Variants in MAP4K4 observed in about 807,000 individuals in gnomAD.
MAP4K4 encodes the protein HPK/GCK-like kinase HGK.
A neutral mutation model predicts 189.6 loss-of-function variants in MAP4K4; 38 were observed. The ratio of observed to expected loss-of-function variants is 0.20; its 90% CI spans 0.15 to 0.26. The LOEUF (loss-of-function observed/expected upper bound fraction) is 0.26. Among genes scored for constraint, MAP4K4 ranks in the 10% least tolerant of loss-of-function variants. The pLI, the probability that MAP4K4 is intolerant of heterozygous loss-of-function variation, is 1.00. For synonymous variants in MAP4K4, 610 were observed against 624.3 expected (o/e 0.98, Z 0.34); for missense variants, 1,054 against 1,726.9 (o/e 0.61, Z 6.91).
intron 2 of MAP4K4, among the ~76,000 whole-genome samples, chr2:101,700,659 C>T (rs2037912674): frequency 6.6e-6 from 1 of 152,122 alleles, no homozygotes; most frequent in South Asian, 2.1e-4. Context: ...AATGCTATTT[C>T]AGCTGTAAAT....
chr2:101,722,689 A>G (rs994932330), intron 2 of MAP4K4, among the ~76,000 whole-genome samples: 1 of 152,158 alleles, frequency 6.6e-6, no homozygotes, highest in African/African-American at 2.4e-5. Context: ...ATACAACTTT[A>G]TATGTAACTT....
chr2:101,783,494 A>T (rs1035545651), intron 2 of MAP4K4, among the ~76,000 whole-genome samples: 1 of 152,158 alleles, frequency 6.6e-6, no homozygotes, highest in African/African-American at 2.4e-5. Flanking sequence ...AATCACTAGA[A>T]TGCTAGTTTA....
intron 2 of MAP4K4, among the ~76,000 whole-genome samples, chr2:101,777,614 G>A (rs2084954349): frequency 6.6e-6 from 1 of 152,148 alleles, no homozygotes. Flanking sequence ...CCCATCTCTC[G>A]CATTCCGTTT....
At chr2:101,812,213 C>A (rs568686380) in intron 3 of MAP4K4, among the ~76,000 whole-genome samples, 2 of 152,316 alleles carry the variant, frequency 1.3e-5, no homozygotes, top group Non-Finnish European at 2.9e-5. Context: ...AGTTTTAAAA[C>A]AATTGCTTCA....
intron 2 of MAP4K4, among the ~76,000 whole-genome samples, chr2:101,712,226 G>T (rs988861215): frequency 2.6e-5 from 4 of 151,812 alleles, no homozygotes; most frequent in South Asian, 4.2e-4. Flanking sequence ...ATGGAGTGTC[G>T]CTCTGTCACT....
intron 15 of MAP4K4, chr2:101,860,203 A>G: frequency 2.8e-6 from 1 of 361,672 alleles, no homozygotes; most frequent in Non-Finnish European, 5.3e-6. Flanking sequence ...CCAAGCTAGT[A>G]TAAAGCTAAA....
At chr2:101,833,854 G>A (rs1165619187) in intron 7 of MAP4K4, among the ~76,000 whole-genome samples, 2 of 152,124 alleles carry the variant, frequency 1.3e-5, no homozygotes, top group Non-Finnish European at 2.9e-5. Flanking sequence ...TTGCAGGTAG[G>A]GTGGGGATGC....
Position 101,708,400 on chromosome 2 carries a change from G to A in MAP4K4, c.123+9862G>A, listed in dbSNP as rs540483097. Among the ~76,000 whole-genome samples, 18 of 152,284 alleles carry A rather than the reference G, an allele frequency of 1.2e-4. No homozygotes were observed. In the South Asian group the frequency reaches 3.1e-3, roughly 26 times the overall value. ...AAATGAAAACAAGGGTAAGCAGTGCGTAACCTCTGTGACCTTACTGTGTGA... is the reference window on the plus strand; with the variant it reads ...AAATGAAAACAAGGGTAAGCAGTGCATAACCTCTGTGACCTTACTGTGTGA... On this transcript the variant is annotated intron_variant, in intron 2 of 32. Transcript: ENST00000324219.
intron 2 of MAP4K4, among the ~76,000 whole-genome samples, chr2:101,766,003 A>C (rs895942735): frequency 1.3e-5 from 2 of 152,188 alleles, no homozygotes; most frequent in African/African-American, 2.4e-5. Flanking sequence ...AAAAGGTTAC[A>C]TACCCTATTC....
chr2:101,837,576 C>T (rs569362211), intron 9 of MAP4K4, among the ~76,000 whole-genome samples: 9 of 152,104 alleles, frequency 5.9e-5, no homozygotes, highest in African/African-American at 2.2e-4. Flanking sequence ...TGGACATCCA[C>T]GGGTGGCCAC....
chr2:101,721,914 C>T (rs539203379), intron 2 of MAP4K4, among the ~76,000 whole-genome samples: 2 of 152,300 alleles, frequency 1.3e-5, no homozygotes, highest in South Asian at 4.1e-4. Flanking sequence ...TAAAAGCCAG[C>T]AAGACAATAA....
chr2:101,839,246 C>T (rs2096850931), intron 9 of MAP4K4, among the ~76,000 whole-genome samples: 1 of 152,232 alleles, frequency 6.6e-6, no homozygotes, highest in Non-Finnish European at 1.5e-5. Flanking sequence ...ACAGATTAAT[C>T]TCTTCCCTCC....
At chr2:101,746,914 G>T (rs1423973935) in intron 2 of MAP4K4, among the ~76,000 whole-genome samples, 1 of 152,022 alleles carries the variant, frequency 6.6e-6, no homozygotes, top group African/African-American at 2.4e-5. Context: ...AGGAACCCAA[G>T]TTTTACTGGT....
chr2:101,880,853 C>G (rs1577334346), intron 27 of MAP4K4, among the ~76,000 whole-genome samples: 1 of 152,084 alleles, frequency 6.6e-6, no homozygotes, highest in African/African-American at 2.4e-5. Flanking sequence ...ATCTATTTGT[C>G]TCTTTTTGTG....
intron 2 of MAP4K4, among the ~76,000 whole-genome samples, chr2:101,759,307 T>G (rs2074544896): frequency 6.6e-6 from 1 of 152,048 alleles, no homozygotes; most frequent in South Asian, 2.1e-4. Flanking sequence ...TGTTTTCTTT[T>G]AAGGAGTCTT....
chr2:101,861,872 GT>G (rs1255843810), intron 16 of MAP4K4: 2 of 151,724 alleles, frequency 1.3e-5, no homozygotes, highest in Non-Finnish European at 2.9e-5. Context: ...GTTTGCATGT[GT>G]GGGGGACAAA....
At chr2:101,882,706 A>T in intron 28 of MAP4K4, 21 bp downstream of exon 28, 1 of 1,508,284 alleles carries the variant, frequency 6.6e-7, no homozygotes, top group South Asian at 1.3e-5. Context: ...GAAGCGTCAT[A>T]TTTTGTTTTT....
At chr2:101,796,092 C>T (rs942926024) in intron 3 of MAP4K4, among the ~76,000 whole-genome samples, 3 of 152,148 alleles carry the variant, frequency 2.0e-5, no homozygotes, top group African/African-American at 7.2e-5. Context: ...TGATGTTTGA[C>T]TGCATTTCAT....
intron 2 of MAP4K4, among the ~76,000 whole-genome samples, chr2:101,717,720 A>G (rs1172948871): frequency 1.3e-5 from 2 of 152,128 alleles, no homozygotes; most frequent in Non-Finnish European, 2.9e-5. Flanking sequence ...TGAGTTTAGA[A>G]ATGAATCAGG....
Sources: gnomAD v4.1 joint callset for allele counts (sites outside exome capture counted in the v4.1 genomes callset) on GRCh38, gnomAD v4.1.1 for gene constraint, MANE v1.5 for transcripts, NCBI Gene and HGNC (gene_info 2026-07-23, HGNC 2026-07-21) for gene names.